The following ACOT12 variants were observed in gnomAD, a reference collection of about 807,000 sequenced individuals.
The protein encoded by ACOT12 is acyl-CoA thioesterase 12.
ACOT12 carries 51 observed loss-of-function variants against 67.7 expected under a neutral mutation model. The observed-to-expected ratio is 0.75, with a 90% confidence interval of 0.60 to 0.95. ACOT12 has a LOEUF of 0.95. Ranked by LOEUF, ACOT12 falls within the 40% of genes least tolerant of loss-of-function variation. ACOT12 has a pLI of 0.00. For synonymous variants in ACOT12, 251 were observed against 244.6 expected, an observed-to-expected ratio of 1.03 and a Z score of -0.24; for missense variants, 734 against 708.1, an observed-to-expected ratio of 1.04 and a Z score of -0.41.
downstream of ACOT12, among the ~76,000 whole-genome samples, chr5:81,328,127 C>T (rs1480690625): frequency 2.0e-5 from 3 of 152,040 alleles, no homozygotes; most frequent in East Asian, 1.9e-4. Context: ...CCTAGTCCTT[C>T]GGTAGGAAGC....
chr5:81,332,523 T>TG lies in ACOT12; in HGVS notation c.1344dup (p.Lys449GlnfsTer17). On this transcript the variant is annotated frameshift_variant, in exon 13 of 15. Transcript: ENST00000307624. LOFTEE classifies it high-confidence loss of function. ...CGTGATACGAGTACTACCAAGTCTTTGGGTTTGTCATCATTCAGTATAGGA... is the reference window on the plus strand; with the variant it reads ...CGTGATACGAGTACTACCAAGTCTTTGGGGTTTGTCATCATTCAGTATAGGA... 6.2e-7 allele frequency: 1 copy of TG among 1,614,108 alleles called. No individual in the cohort carries two copies. Among genetic ancestry groups the TG allele is most frequent in the East Asian group, 2.2e-5 (1 of 44,878 alleles).
chr5:81,373,643 G>A (rs1432289367), intron 2 of ACOT12, among the ~76,000 whole-genome samples: 2 of 152,214 alleles, frequency 1.3e-5, no homozygotes, highest in Admixed American at 6.5e-5. Flanking sequence ...TGCCAGCACA[G>A]CAGTCTGAGA....
In ACOT12 at chr5:81,390,098, G is replaced by T. The variant is rs1250516395; in HGVS notation, c.127+3890C>A. 2.0e-5 allele frequency among the ~76,000 whole-genome samples: 3 copies of T among 150,490 alleles called. No homozygotes were observed. In the East Asian group the frequency reaches 5.9e-4, roughly 30 times the overall value. ...GCCTCCTGAGTAGCTGGGACTACAG[G>T]TACATGCTACCATGCCTGGCTAATT... On this transcript the variant is annotated intron_variant, in intron 1 of 14. Transcript: ENST00000307624.
At chr5:81,330,645 A>G (rs1196222814) in intron 14 of ACOT12, 102 bp from the exon 15 acceptor site, 1 of 1,488,998 alleles carries the variant, frequency 6.7e-7, no homozygotes, top group African/African-American at 1.4e-5. Flanking sequence ...TAAGACCCTA[A>G]TCTTCTGGGG....
chr5:81,373,358 G>A (rs1760312280), intron 2 of ACOT12, among the ~76,000 whole-genome samples: 1 of 152,238 alleles, frequency 6.6e-6, no homozygotes, highest in African/African-American at 2.4e-5. Context: ...TTTTCCCATG[G>A]TCTTTGCAAC....
At chr5:81,381,001 G>C (rs1403621737) in intron 2 of ACOT12, among the ~76,000 whole-genome samples, 1 of 152,056 alleles carries the variant, frequency 6.6e-6, no homozygotes, top group African/African-American at 2.4e-5. Flanking sequence ...TAACACAATG[G>C]TAAGTATTTG....
At chr5:81,316,808 G>T in the ACOT12 span, among the ~76,000 whole-genome samples, 391 of 152,276 alleles carry the variant, frequency 2.6e-3, 1 homozygote, top group Admixed American at 5.6e-3. Flanking sequence ...AATGACTAAT[G>T]ATGTAGAATG....
At position 81,336,022 on chromosome 5, in the gene ACOT12, T is replaced by C. The variant is rs1231231598; in HGVS notation, c.1129-121A>G. Reference sequence around the variant, plus strand: ...TAACTAAGGCATCTTATTTCCTGGATGAAATTGAAGCCCCATGGCAATTTC... The same window carrying C: ...TAACTAAGGCATCTTATTTCCTGGACGAAATTGAAGCCCCATGGCAATTTC... On this transcript the variant is annotated intron_variant, in intron 11 of 14. Coordinates refer to ENST00000307624, the MANE Select transcript of ACOT12 (RefSeq NM_130767.3). 2.7e-6 allele frequency: 3 copies of C among 1,098,856 alleles called. No homozygotes were observed. In the Admixed American group the frequency reaches 9.5e-5, roughly 35 times the overall value. The allele number at this position is 1,098,856 out of a possible 1,614,324, so 68.1% of individuals were successfully genotyped here.
chr5:81,378,115 A>C (rs898380044), intron 2 of ACOT12, among the ~76,000 whole-genome samples: 3 of 152,220 alleles, frequency 2.0e-5, no homozygotes, highest in African/African-American at 7.2e-5. Flanking sequence ...CCAAAACAGC[A>C]TGGTACTGGT....
chr5:81,314,662 GTTACTC>G, the ACOT12 span, among the ~76,000 whole-genome samples: 5 of 152,192 alleles, frequency 3.3e-5, no homozygotes, highest in Non-Finnish European at 7.3e-5. Context: ...CTATGTTCCT[GTTACTC>G]TTATGCACTT....
chr5:81,346,467 GA>G (rs1169231594), intron 6 of ACOT12, among the ~76,000 whole-genome samples: 3 of 152,186 alleles, frequency 2.0e-5, no homozygotes, highest in African/African-American at 7.2e-5. Context: ...TCCCCTCACA[GA>G]AAAATTACCT....
the ACOT12 span, among the ~76,000 whole-genome samples, chr5:81,309,950 G>C: frequency 1.3e-5 from 2 of 152,090 alleles, no homozygotes; most frequent in South Asian, 4.1e-4. Flanking sequence ...TGGTGTCTTA[G>C]AGTTGATGAA....
At chr5:81,357,296 A>G (rs1393845564) in intron 5 of ACOT12, among the ~76,000 whole-genome samples, 1 of 152,128 alleles carries the variant, frequency 6.6e-6, no homozygotes, top group Non-Finnish European at 1.5e-5. Flanking sequence ...CCAGCACTAA[A>G]CTACAAGTTT....
chr5:81,372,613 G>T (rs1235512560), intron 2 of ACOT12, among the ~76,000 whole-genome samples: 1 of 152,082 alleles, frequency 6.6e-6, no homozygotes, highest in African/African-American at 2.4e-5. Context: ...TTCAATCTCT[G>T]CCTCTTCCCT....
chr5:81,362,244 C>A (rs1481694081), intron 4 of ACOT12, among the ~76,000 whole-genome samples: 1 of 150,756 alleles, frequency 6.6e-6, no homozygotes, highest in Non-Finnish European at 1.5e-5. Context: ...TGGCTCACCG[C>A]AACTTCTGCC....
At chr5:81,382,883 A>G (rs1376008694) in intron 2 of ACOT12, among the ~76,000 whole-genome samples, 1 of 152,160 alleles carries the variant, frequency 6.6e-6, no homozygotes, top group Non-Finnish European at 1.5e-5. Context: ...CTTAATGAAT[A>G]AAGGGAAAGA....
intron 2 of ACOT12, among the ~76,000 whole-genome samples, chr5:81,373,278 TC>T (rs1301270991): frequency 6.6e-6 from 1 of 152,116 alleles, no homozygotes; most frequent in Non-Finnish European, 1.5e-5. Context: ...GGGATTTCCC[TC>T]CCCTAGCCAA....
At chr5:81,355,596 G>A (rs1014262278) in intron 5 of ACOT12, among the ~76,000 whole-genome samples, 11 of 152,230 alleles carry the variant, frequency 7.2e-5, no homozygotes, top group Non-Finnish European at 1.5e-4. Context: ...TAAAAAAAGC[G>A]TTGGATAAGA....
intron 7 of ACOT12, among the ~76,000 whole-genome samples, chr5:81,345,612 T>A (rs756394988): frequency 8.5e-5 from 13 of 152,084 alleles, no homozygotes; most frequent in Non-Finnish European, 1.6e-4. Context: ...TTAATAATTA[T>A]GCAGGGATGA....
Sources: allele counts gnomAD v4.1 joint callset (sites outside exome capture counted in the v4.1 genomes callset), GRCh38; gene constraint gnomAD v4.1.1; transcripts MANE v1.5; gene names NCBI Gene and HGNC (gene_info 2026-07-23, HGNC 2026-07-21).